NAA50: variants seen among roughly 807,000 people sequenced by gnomAD.
NAA50 encodes N-alpha-acetyltransferase 50.
Under a neutral mutation model 20.7 loss-of-function variants are expected in NAA50, and 7 were observed. That is an observed-to-expected ratio of 0.34 (90% CI 0.19 to 0.63). The LOEUF is 0.63. Ranked by LOEUF, NAA50 falls within the 30% of genes least tolerant of loss-of-function variation. NAA50 has a pLI of 0.75. For missense variants in NAA50, 111 were observed against 199.1 expected, an observed-to-expected ratio of 0.56 and a Z score of 2.66; for synonymous variants, 54 against 70.6, an observed-to-expected ratio of 0.77 and a Z score of 1.18.
chr3:113,729,451 T>C (rs1469277101), intron 1 of NAA50, among the ~76,000 whole-genome samples: 1 of 152,254 alleles, frequency 6.6e-6, no homozygotes, highest in Non-Finnish European at 1.5e-5. Flanking sequence ...CTGTTGATAA[T>C]TTGACGCTTT....
intron 1 of NAA50, among the ~76,000 whole-genome samples, chr3:113,734,781 GTC>G (rs1214611896): frequency 6.6e-6 from 1 of 152,190 alleles, no homozygotes; most frequent in Non-Finnish European, 1.5e-5. Context: ...TGTCCAGACA[GTC>G]TGTTATCATC....
chr3:113,723,269 A>T (rs998656165), intron 3 of NAA50, among the ~76,000 whole-genome samples, 153 bp downstream of exon 3: 4 of 152,148 alleles, frequency 2.6e-5, no homozygotes, highest in Non-Finnish European at 5.9e-5. Flanking sequence ...TTATGTTAAT[A>T]AACACTAGTT....
Position 113,720,814 on chromosome 3 carries a change from T to C in NAA50, c.*946A>G, listed in dbSNP as rs1708126055. ...GCCCATCTAAGCTTCCTTTTAGGTA[T>C]TTTTTAGTATGTCCAAGAGAAAACA... is the stretch of plus-strand genomic sequence containing the variant. On this transcript the variant is annotated 3_prime_UTR_variant, in exon 5 of 5. Transcript: ENST00000240922. The C allele has an allele frequency of 6.6e-6, 1 of 152,344 alleles. No individual in the cohort carries two copies. The highest frequency in any genetic ancestry group is 1.5e-5 in the Non-Finnish European group (1 of 68,010). 9.4% of individuals were successfully genotyped at this position (152,344 alleles called of 1,614,324 possible).
At chr3:113,745,818 A>G in intron 1 of NAA50, 124 bp downstream of exon 1, 1 of 1,174,218 alleles carries the variant, frequency 8.5e-7, no homozygotes, top group Admixed American at 3.0e-5. Flanking sequence ...ACTGAGAAGC[A>G]GAGAAATCTC....
chr3:113,735,388 C>A (rs540499477), intron 1 of NAA50, among the ~76,000 whole-genome samples: 1 of 152,288 alleles, frequency 6.6e-6, no homozygotes, highest in South Asian at 2.1e-4. Context: ...AAATTTAACA[C>A]CCATCTAAAT....
At chr3:113,726,754 A>G (rs912171536) in intron 1 of NAA50, among the ~76,000 whole-genome samples, 26 of 152,146 alleles carry the variant, frequency 1.7e-4, no homozygotes, top group Middle Eastern at 3.4e-3. Flanking sequence ...AAAAAAAAAA[A>G]AAAGAAAGAA....
Position 113,738,056 on chromosome 3 carries a change from C to T in NAA50, c.8+7886G>A, listed in dbSNP as rs536123324. On this transcript the variant is annotated intron_variant, in intron 1 of 4. Coordinates refer to ENST00000240922, the MANE Select transcript of NAA50 (RefSeq NM_025146.4). ...CCTGACTCTATTTCTTTGAAAAAAG[C>T]GAAGGTGGGGTGGATCAGCTCTCCA... 5.3e-5 allele frequency among the ~76,000 whole-genome samples: 8 copies of T among 152,124 alleles called. No individual in the cohort carries two copies. The South Asian group carries it at 1.5e-3, about 28-fold the overall frequency.
Position 113,724,022 on chromosome 3 carries a change from G to T in NAA50, c.82C>A (p.Pro28Thr). Residue 28 changes from proline (P) to threonine (T), a missense_variant, in exon 2 of 5, where the codon CCA becomes ACA. Physicochemically the swap from Pro to Thr is conservative, Grantham distance 38. Transcript: ENST00000240922. ...QLKRLNQVIF[P>T]VSYNDKFYKD... ...TAGAACTTGTCATTGTAGCTGACTG[G>T]AAAGATGACCTGATTCAATCTTTTC... 6.2e-7 allele frequency: 1 copy of T among 1,611,610 alleles called. No individual in the cohort carries two copies. Among genetic ancestry groups the T allele is most frequent in the Non-Finnish European group, 8.5e-7 (1 of 1,178,914 alleles).
chr3:113,732,206 C>T (rs1023878750), intron 1 of NAA50, among the ~76,000 whole-genome samples: 4 of 152,136 alleles, frequency 2.6e-5, no homozygotes, highest in Non-Finnish European at 5.9e-5. Context: ...AATATAATCA[C>T]ATAAGTCCTT....
chr3:113,744,942 C>A (rs895882496), intron 1 of NAA50, among the ~76,000 whole-genome samples: 2 of 152,142 alleles, frequency 1.3e-5, no homozygotes, highest in Non-Finnish European at 2.9e-5. Context: ...GGAATGACTT[C>A]GTTAACTTAA....
At chr3:113,736,285 C>T (rs1052824218) in intron 1 of NAA50, among the ~76,000 whole-genome samples, 3 of 152,264 alleles carry the variant, frequency 2.0e-5, no homozygotes, top group Non-Finnish European at 2.9e-5. Flanking sequence ...AATTTTTAGA[C>T]TAAGGAAAAG....
intron 1 of NAA50, among the ~76,000 whole-genome samples, chr3:113,733,556 T>C (rs1577070826): frequency 6.6e-6 from 1 of 151,998 alleles, no homozygotes; most frequent in South Asian, 2.1e-4. Context: ...AAGATTCATA[T>C]TAAAGATATT....
In NAA50 at chr3:113,745,757, A is replaced by G. The variant is rs527432472; in HGVS notation, c.8+185T>C. The G allele has an allele frequency of 3.8e-5, 26 of 683,904 alleles. No individual in the cohort carries two copies. The African/African-American group carries it at 4.7e-4, about 12-fold the overall frequency. The allele number at this position is 683,904 out of a possible 1,614,324, so 42.4% of individuals were successfully genotyped here. On this transcript the variant is annotated intron_variant, in intron 1 of 4. Coordinates refer to ENST00000240922, the MANE Select transcript of NAA50 (RefSeq NM_025146.4). ...CGGGTCTTGCCTCCGCTGGCCCTTC[A>G]GCCCGCCAACAGCCCGAGCCTCGCC...
At chr3:113,742,886 A>T (rs1432202574) in intron 1 of NAA50, among the ~76,000 whole-genome samples, 2 of 152,134 alleles carry the variant, frequency 1.3e-5, no homozygotes, top group African/African-American at 4.8e-5. Flanking sequence ...TTTCCATTAC[A>T]CTGCCTAATT....
intron 1 of NAA50, among the ~76,000 whole-genome samples, chr3:113,731,525 A>T (rs1577070065): frequency 6.6e-6 from 1 of 150,918 alleles, no homozygotes; most frequent in East Asian, 1.9e-4. Context: ...TGCACACTTC[A>T]GTGATTTTTT....
Position 113,720,115 on chromosome 3 carries a change from GTCT to G in NAA50, c.*1642_*1644del, listed in dbSNP as rs1246851410. 6.6e-6 allele frequency: 1 copy of G among 152,550 alleles called. No individual in the cohort carries two copies. Among genetic ancestry groups the G allele is most frequent in the Non-Finnish European group, 1.5e-5 (1 of 68,016 alleles). 9.4% of individuals were successfully genotyped at this position (152,550 alleles called of 1,614,324 possible). A position where few individuals can be genotyped will look rare whatever the true frequency, so the allele number is the denominator to read the frequency against. ...AACCCTATAAACTCATTCATCAACT[GTCT>G]TCTTTTTCTGTATTATTCTTGGCAC... On this transcript the variant is annotated 3_prime_UTR_variant, in exon 5 of 5. Coordinates refer to ENST00000240922, the MANE Select transcript of NAA50 (RefSeq NM_025146.4).
intron 1 of NAA50, among the ~76,000 whole-genome samples, chr3:113,737,650 T>A (rs1244324554): frequency 6.6e-6 from 1 of 152,258 alleles, no homozygotes; most frequent in African/African-American, 2.4e-5. Context: ...GTAAGTTCCA[T>A]CTTACCTAGA....
In NAA50 at chr3:113,734,291, G is replaced by T. The variant is rs536953549; in HGVS notation, c.9-10196C>A. Among the ~76,000 whole-genome samples, 15 of 152,222 alleles carry T rather than the reference G, an allele frequency of 9.9e-5. No homozygotes were observed. In the East Asian group the frequency reaches 2.9e-3, roughly 29 times the overall value. Reference sequence around the variant, plus strand: ...AAAGATGGGAACAACAGATACTGGGGACTACTAGAAGAGGGAGAAGGGAGG... The same window carrying T: ...AAAGATGGGAACAACAGATACTGGGTACTACTAGAAGAGGGAGAAGGGAGG... On this transcript the variant is annotated intron_variant, in intron 1 of 4. Coordinates refer to ENST00000240922, the MANE Select transcript of NAA50 (RefSeq NM_025146.4).
chr3:113,727,026 A>C (rs769477414), intron 1 of NAA50, among the ~76,000 whole-genome samples: 1 of 152,188 alleles, frequency 6.6e-6, no homozygotes, highest in Non-Finnish European at 1.5e-5. Context: ...TCCTGAGCTC[A>C]AGTGATCCGC....
Sources: allele counts gnomAD v4.1 joint callset (sites outside exome capture counted in the v4.1 genomes callset), GRCh38; gene constraint gnomAD v4.1.1; transcripts MANE v1.5; gene names NCBI Gene and HGNC (gene_info 2026-07-23, HGNC 2026-07-21).